FCHO1: variants seen among roughly 807,000 people sequenced by gnomAD.
FCHO1 encodes the protein FCH and mu domain containing endocytic adaptor 1.
In FCHO1, 45 loss-of-function variants were observed where a neutral mutation model predicts 114.4. That is an observed-to-expected ratio of 0.39 (90% CI 0.31 to 0.50). The LOEUF (loss-of-function observed/expected upper bound fraction) is 0.50. Among genes scored for constraint, FCHO1 ranks in the 20% least tolerant of loss-of-function variants. The pLI is 0.77. For missense variants in FCHO1, 1,042 were observed against 1,209.6 expected (o/e 0.86, Z 2.06); for synonymous variants, 480 against 488.9 (o/e 0.98, Z 0.24).
intron 20 of FCHO1, among the ~76,000 whole-genome samples, chr19:17,779,513 G>A (rs924486043): frequency 1.3e-5 from 2 of 151,442 alleles, no homozygotes; most frequent in Non-Finnish European, 2.9e-5. Flanking sequence ...GTCGCTGCAG[G>A]GGAGAGTTCG....
Position 17,775,902 on chromosome 19 carries a change from A to G in FCHO1, c.1004-81A>G. On this transcript the variant is annotated intron_variant, in intron 15 of 28. Coordinates refer to ENST00000596536, the MANE Select transcript of FCHO1 (RefSeq NM_015122.3). This position sits in a 1 kb window ranked among gnomAD's most constrained non-coding sequence, Gnocchi z 5.1. Reference sequence around the variant, plus strand: ...GGGCAGGACCTCGAAGGGTTTGAGCAGGGAGGGACGAGGCTGGATTGGAGA... The same window carrying G: ...GGGCAGGACCTCGAAGGGTTTGAGCGGGGAGGGACGAGGCTGGATTGGAGA... 6.6e-7 allele frequency: 1 copy of G among 1,526,398 alleles called. No individual in the cohort carries two copies. The highest frequency in any genetic ancestry group is 1.2e-5 in the South Asian group (1 of 83,288). 94.6% of individuals were successfully genotyped at this position (1,526,398 alleles called of 1,614,324 possible). A position where few individuals can be genotyped will look rare whatever the true frequency, so the allele number is the denominator to read the frequency against.
chr19:17,769,909 A>T (rs12976972), intron 7 of FCHO1, among the ~76,000 whole-genome samples: 42,898 of 151,820 alleles, frequency 0.28, 7,788 homozygotes, highest in Non-Finnish European at 0.41. Context: ...CACACCTGTA[A>T]TCCCAACACT....
chr19:17,755,515 C>G (rs954706851), intron 4 of FCHO1: 2 of 234,426 alleles, frequency 8.5e-6, no homozygotes, highest in African/African-American at 4.6e-5. Flanking sequence ...CTTCCAGGAC[C>G]CAGGGTCATT....
intron 19 of FCHO1, 157 bp from the exon 20 acceptor site, chr19:17,778,452 G>A (rs2092931046): frequency 1.1e-6 from 1 of 887,064 alleles, no homozygotes; most frequent in Non-Finnish European, 1.7e-6. Context: ...TTTGTGGAGA[G>A]GGAAGTCACC....
upstream of FCHO1, among the ~76,000 whole-genome samples, chr19:17,748,198 C>T (rs1043482222): frequency 6.6e-6 from 1 of 152,214 alleles, no homozygotes; most frequent in African/African-American, 2.4e-5. Flanking sequence ...AGATGGGGAC[C>T]ACCCGCAGAT....
chr19:17,785,289 A>G (rs1415821207), intron 26 of FCHO1, among the ~76,000 whole-genome samples: 2 of 152,162 alleles, frequency 1.3e-5, no homozygotes, highest in Non-Finnish European at 2.9e-5. Flanking sequence ...GCACGATCTC[A>G]GCTCACTGCA....
At chr19:17,763,011 G>T (rs150403844) in intron 5 of FCHO1, among the ~76,000 whole-genome samples, 158 bp downstream of exon 5, 101 of 152,228 alleles carry the variant, frequency 6.6e-4, no homozygotes, top group Non-Finnish European at 1.2e-3. Flanking sequence ...TCTCAACCCG[G>T]TCAGGCCCAT....
chr19:17,755,804 A>G (rs888648492), intron 4 of FCHO1, among the ~76,000 whole-genome samples: 4 of 152,170 alleles, frequency 2.6e-5, no homozygotes, highest in Non-Finnish European at 5.9e-5. Context: ...TGGGGGACCC[A>G]GAGCCAGCTT....
At chr19:17,773,873 T>C (rs1238081848) in intron 11 of FCHO1, among the ~76,000 whole-genome samples, 2 of 149,746 alleles carry the variant, frequency 1.3e-5, no homozygotes, top group Non-Finnish European at 3.0e-5. Context: ...CTCCCCACCC[T>C]CAATTTAGTT....
At position 17,772,500 on chromosome 19, in the gene FCHO1, C is replaced by T. The variant is rs1156472079; in HGVS notation, c.638C>T (p.Ala213Val). The T allele has an allele frequency of 6.2e-7, 1 of 1,614,148 alleles. No individual in the cohort carries two copies. The highest frequency in any genetic ancestry group is 8.5e-7 in the Non-Finnish European group (1 of 1,180,032). Residue 213 changes from alanine to valine, a missense_variant, in exon 10 of 29, where the codon GCA becomes GTA. Around this residue, in one of 3 missense-constraint regions of FCHO1, gnomAD observed 450 missense variants for 564.1 expected, o/e 0.80. Coordinates refer to ENST00000596536, the MANE Select transcript of FCHO1 (RefSeq NM_015122.3). The part of the protein sequence containing the change: ...MEETHLRHMK[A>V]LLGSYAHSVE... ...GAGACACACCTGAGGCACATGAAGG[C>T]ACTGCTGGGCTCATATGCTCACTCG...
Position 17,786,637 on chromosome 19 carries a change from G to A in FCHO1, c.2482+8G>A. 6.8e-7 allele frequency: 1 copy of A among 1,478,762 alleles called. No individual in the cohort carries two copies. Among genetic ancestry groups the A allele is most frequent in the Non-Finnish European group, 9.2e-7 (1 of 1,087,114 alleles). 91.6% of individuals were successfully genotyped at this position (1,478,762 alleles called of 1,614,324 possible). A position where few individuals can be genotyped will look rare whatever the true frequency, so the allele number is the denominator to read the frequency against. On this transcript the variant is annotated splice_region_variant and intron_variant, in intron 27 of 28. Transcript: ENST00000596536. Reference sequence around the variant, plus strand: ...ATGTGTCCGAGGCAGGCGGTGAGCTGTGGTTGTGTATGAGGGCTGGGTGGG... The same window carrying A: ...ATGTGTCCGAGGCAGGCGGTGAGCTATGGTTGTGTATGAGGGCTGGGTGGG...
At chr19:17,770,640 A>G in intron 8 of FCHO1, 63 bp downstream of exon 8, 1 of 1,585,746 alleles carries the variant, frequency 6.3e-7, no homozygotes, top group Non-Finnish European at 8.6e-7. Flanking sequence ...GCCTGATCAG[A>G]GAGTGGAAAC....
intron 22 of FCHO1, 21 bp downstream of exon 22, chr19:17,781,560 G>T (rs574213499): frequency 6.2e-7 from 1 of 1,612,924 alleles, no homozygotes; most frequent in Non-Finnish European, 8.5e-7. Context: ...GCGGTCCTGG[G>T]CCTGGCTTTG....
In FCHO1 at chr19:17,778,179, CCT is replaced by C; in HGVS notation, c.1305_1306del (p.Phe436TrpfsTer9). 1 of 1,613,758 alleles carries C rather than the reference CCT, an allele frequency of 6.2e-7. No individual in the cohort carries two copies. The highest frequency in any genetic ancestry group is 8.5e-7 in the Non-Finnish European group (1 of 1,179,898). ...LQSEEQVSKN[L>X]FGPPLESAFD... is the part of the protein sequence containing the mutation. ...AGTCAGAGGAGCAGGTGTCCAAGAA[CCT>C]CTTTGGGCCGCCCCTGGAGTCAGCC... On this transcript the variant is annotated frameshift_variant, in exon 19 of 29. Transcript: ENST00000596536. LOFTEE classifies it high-confidence loss of function.
chr19:17,771,113 C>T (rs1021346779), intron 9 of FCHO1, among the ~76,000 whole-genome samples: 24 of 151,936 alleles, frequency 1.6e-4, no homozygotes, highest in African/African-American at 5.8e-4. Context: ...ATTAGCCGGG[C>T]GTAGTGGCAG....
At chr19:17,779,929 G>A (rs1264949721) in intron 20 of FCHO1, among the ~76,000 whole-genome samples, 3 of 151,936 alleles carry the variant, frequency 2.0e-5, no homozygotes, top group South Asian at 4.1e-4. Flanking sequence ...CAGAGGGGTT[G>A]GAGACAGGAG....
rs1568376751 is a variant in FCHO1 at position 17,784,975 on chromosome 19, C to G, written c.2426+51C>G. 1 of 1,567,902 alleles carries G rather than the reference C, an allele frequency of 6.4e-7. No homozygotes were observed. The highest frequency in any genetic ancestry group is 8.7e-7 in the Non-Finnish European group (1 of 1,152,232). On this transcript the variant is annotated intron_variant, in intron 26 of 28. Coordinates refer to ENST00000596536, the MANE Select transcript of FCHO1 (RefSeq NM_015122.3). The surrounding 1 kb of genome is among the most constrained non-coding windows in gnomAD (Gnocchi z 5.3). ...AAACTCAGCAGTTTCCCCCATAACC[C>G]CAGACCTTCTCCCTGATGCATTGAT...
At chr19:17,769,702 A>G (rs1289020072) in intron 7 of FCHO1, among the ~76,000 whole-genome samples, 1 of 152,098 alleles carries the variant, frequency 6.6e-6, no homozygotes, top group Non-Finnish European at 1.5e-5. Flanking sequence ...AAGCATCTTT[A>G]TCCATATGCG....
chr19:17,780,103 A>C (rs1343967773), intron 20 of FCHO1, among the ~76,000 whole-genome samples: 1 of 149,012 alleles, frequency 6.7e-6, no homozygotes, highest in Non-Finnish European at 1.5e-5. Flanking sequence ...GCCAGGCTGG[A>C]GCCCGTTCAA....
Sources: allele counts gnomAD v4.1 joint callset (sites outside exome capture counted in the v4.1 genomes callset), GRCh38; gene constraint gnomAD v4.1.1; regional missense constraint gnomAD v4.1.1; non-coding constraint Gnocchi (gnomAD v3.1); transcripts MANE v1.5; gene names NCBI Gene and HGNC (gene_info 2026-07-23, HGNC 2026-07-21).